The following NEK7 variants were observed in gnomAD, a reference collection of about 807,000 sequenced individuals.
NEK7 encodes NIMA related kinase 7.
Under a neutral mutation model 44.6 loss-of-function variants are expected in NEK7, and 18 were observed. The observed-to-expected ratio is 0.40, with a 90% CI of 0.28 to 0.60. NEK7 has a LOEUF of 0.60. NEK7 is among the 20% of genes least tolerant of loss of function. NEK7 has a pLI of 0.38. For missense variants in NEK7, 256 were observed against 366.5 expected (o/e 0.70, Z 2.46); for synonymous variants, 130 against 121.1 (o/e 1.07, Z -0.48).
At chr1:198,223,656 C>T (rs897321118) in intron 1 of NEK7, among the ~76,000 whole-genome samples, 1 of 152,112 alleles carries the variant, frequency 6.6e-6, no homozygotes, top group Non-Finnish European at 1.5e-5. Context: ...AAACAAACTG[C>T]CTATCCTTTA....
intron 1 of NEK7, chr1:198,220,851 G>A (rs574905840): frequency 2.0e-5 from 3 of 151,994 alleles, no homozygotes; most frequent in Admixed American, 2.0e-4. Context: ...AAATATGATT[G>A]ATCCTCTTTT....
intron 5 of NEK7, among the ~76,000 whole-genome samples, chr1:198,274,042 A>G (rs1026469717): frequency 6.6e-6 from 1 of 151,308 alleles, no homozygotes; most frequent in African/African-American, 2.4e-5. Context: ...TGTTAGTGGC[A>G]CATTTAAACA....
chr1:198,197,672 A>G (rs960969250), intron 1 of NEK7: 1 of 393,536 alleles, frequency 2.5e-6, no homozygotes, highest in African/African-American at 2.1e-5. Context: ...AGGTGGGGGT[A>G]GGGGTGGGGA....
chr1:198,275,049 C>G (rs1255736253), intron 5 of NEK7, among the ~76,000 whole-genome samples: 5 of 151,550 alleles, frequency 3.3e-5, no homozygotes, highest in African/African-American at 4.8e-5. Context: ...TATATACATA[C>G]TTTTATATGT....
At position 198,210,741 on chromosome 1, in the gene NEK7, C is replaced by CTTTTT. The variant is rs140181207; in HGVS notation, c.-28-21787_-28-21783dup. On this transcript the variant is annotated intron_variant, in intron 1 of 9. Transcript: ENST00000367385. Reference sequence around the variant, plus strand: ...GTCATTGTCCCTTCAATTTGTATTTCTTTTTTTTTTTTTTTTTTTTTTTTT... The same window carrying CTTTTT: ...GTCATTGTCCCTTCAATTTGTATTTCTTTTTTTTTTTTTTTTTTTTTTTTTTTTTT... Among the ~76,000 whole-genome samples the CTTTTT allele has an allele frequency of 5.1e-3, 291 of 57,552 alleles. 9 individuals are homozygous for CTTTTT. Among genetic ancestry groups the CTTTTT allele is most frequent in the East Asian group, 8.0e-3 (13 of 1,624 alleles). 37.8% of individuals were successfully genotyped at this position (57,552 alleles called of 152,430 possible). A position where few individuals can be genotyped will look rare whatever the true frequency, so the allele number is the denominator to read the frequency against.
intron 2 of NEK7, among the ~76,000 whole-genome samples, chr1:198,244,615 G>A (rs982015144): frequency 6.6e-6 from 1 of 152,030 alleles, no homozygotes; most frequent in Non-Finnish European, 1.5e-5. Flanking sequence ...TGTGATTAGA[G>A]TGTATTCACA....
Position 198,265,727 on chromosome 1 carries a change from C to T in NEK7, c.372+1492C>T, listed in dbSNP as rs58599575. 2.4e-3 allele frequency among the ~76,000 whole-genome samples: 365 copies of T among 152,124 alleles called. 1 individual carries two copies. Among genetic ancestry groups the T allele is most frequent in the African/African-American group, 8.2e-3 (340 of 41,508 alleles). On this transcript the variant is annotated intron_variant, in intron 5 of 9. Transcript: ENST00000367385. ...CTTCCTGCAAGTCTAACTTATAGCACGCTGGCTTCCTGCATTGTTTAGTGT... is the reference window on the plus strand; with the variant it reads ...CTTCCTGCAAGTCTAACTTATAGCATGCTGGCTTCCTGCATTGTTTAGTGT...
At chr1:198,239,861 C>T (rs184312549) in intron 2 of NEK7, among the ~76,000 whole-genome samples, 2 of 152,216 alleles carry the variant, frequency 1.3e-5, no homozygotes, top group Non-Finnish European at 2.9e-5. Context: ...CCACAAACCC[C>T]GACAGGATAG....
chr1:198,308,365 G>A (rs946263380), intron 9 of NEK7, among the ~76,000 whole-genome samples: 1 of 152,036 alleles, frequency 6.6e-6, no homozygotes, highest in Non-Finnish European at 1.5e-5. Flanking sequence ...CAAAATTCAG[G>A]CGTTCATATT....
intron 9 of NEK7, among the ~76,000 whole-genome samples, chr1:198,314,238 T>A (rs1558107826): frequency 6.6e-6 from 1 of 152,256 alleles, no homozygotes; most frequent in Non-Finnish European, 1.5e-5. Flanking sequence ...CTCCTGAGGC[T>A]TCTGCATTCT....
At chr1:198,258,238 A>G (rs1346554309) in intron 3 of NEK7, among the ~76,000 whole-genome samples, 1 of 152,148 alleles carries the variant, frequency 6.6e-6, no homozygotes, top group African/African-American at 2.4e-5. Context: ...CAAGAGATCA[A>G]GACCATCCTG....
chr1:198,264,058 A>G (rs1246272209), intron 4 of NEK7, 67 bp from the exon 5 acceptor site: 1 of 1,476,968 alleles, frequency 6.8e-7, no homozygotes, highest in Non-Finnish European at 9.0e-7. Flanking sequence ...TCTTAAGTAC[A>G]AAACTATAAG....
At chr1:198,214,528 A>G (rs1665862059) in intron 1 of NEK7, among the ~76,000 whole-genome samples, 1 of 152,232 alleles carries the variant, frequency 6.6e-6, no homozygotes, top group African/African-American at 2.4e-5. Flanking sequence ...TTAGGGAACT[A>G]CAAAATGCTA....
At chr1:198,178,572 G>A (rs1664669333) in intron 1 of NEK7, among the ~76,000 whole-genome samples, 1 of 152,048 alleles carries the variant, frequency 6.6e-6, no homozygotes, top group South Asian at 2.1e-4. Flanking sequence ...GGTTTACAGT[G>A]CACTTTAGTG....
At chr1:198,172,087 A>C (rs1318990548) in intron 1 of NEK7, among the ~76,000 whole-genome samples, 1 of 152,220 alleles carries the variant, frequency 6.6e-6, no homozygotes, top group Admixed American at 6.5e-5. Context: ...TAGACATATC[A>C]GTAATGCTGA....
At chr1:198,304,649 T>A (rs1055536266) in intron 9 of NEK7, among the ~76,000 whole-genome samples, 2 of 152,182 alleles carry the variant, frequency 1.3e-5, no homozygotes, top group African/African-American at 4.8e-5. Context: ...CTGAACTTGA[T>A]CTGTAATTGG....
chr1:198,292,475 C>G (rs1351528209), intron 7 of NEK7, among the ~76,000 whole-genome samples: 1 of 151,856 alleles, frequency 6.6e-6, no homozygotes, highest in African/African-American at 2.4e-5. Context: ...AACAGCCACG[C>G]TGTGTTCTAA....
At chr1:198,247,182 A>G (rs749463121) in intron 2 of NEK7, among the ~76,000 whole-genome samples, 2 of 152,170 alleles carry the variant, frequency 1.3e-5, no homozygotes, top group Admixed American at 6.5e-5. Flanking sequence ...CCTTTATTTC[A>G]TAATTTTATT....
intron 9 of NEK7, among the ~76,000 whole-genome samples, chr1:198,311,451 C>T (rs1256342252): frequency 6.6e-6 from 1 of 151,630 alleles, no homozygotes; most frequent in Admixed American, 6.6e-5. Context: ...CCTAATTGCC[C>T]TGGCCAGTGC....
Sources: gnomAD v4.1 joint callset for allele counts (sites outside exome capture counted in the v4.1 genomes callset) on GRCh38, gnomAD v4.1.1 for gene constraint, MANE v1.5 for transcripts, NCBI Gene and HGNC (gene_info 2026-07-23, HGNC 2026-07-21) for gene names.